Variants in NBAS observed in about 807,000 individuals in gnomAD.
The protein encoded by NBAS is NBAS subunit of NRZ tethering complex, also known as NAG/BC035112 fusion.
Under a neutral mutation model 302.5 loss-of-function variants are expected in NBAS, and 219 were observed. That is an observed-to-expected ratio of 0.72 (90% CI 0.65 to 0.81). The LOEUF is 0.81. NBAS is among the 30% of genes least tolerant of loss of function. NBAS has a pLI of 0.00. For missense variants in NBAS, 2,932 were observed against 2,841.6 expected (o/e 1.03, Z -0.72); for synonymous variants, 1,118 against 1,021.6 (o/e 1.09, Z -1.80).
intron 21 of NBAS, among the ~76,000 whole-genome samples, chr2:15,435,352 T>G (rs1677960161): frequency 6.6e-6 from 1 of 152,216 alleles, no homozygotes; most frequent in Non-Finnish European, 1.5e-5. Context: ...TAAACTGTGC[T>G]GAATGGACAT....
At chr2:15,515,584 T>A (rs1409867656) in intron 9 of NBAS, among the ~76,000 whole-genome samples, 1 of 152,172 alleles carries the variant, frequency 6.6e-6, no homozygotes, top group Non-Finnish European at 1.5e-5. Context: ...TACTTTATTA[T>A]TCAATAAGAC....
At chr2:15,147,088 T>G in the NBAS span, among the ~76,000 whole-genome samples, 743 of 152,202 alleles carry the variant, frequency 4.9e-3, 9 homozygotes, top group African/African-American at 0.016. Flanking sequence ...TAAAAAGCAG[T>G]TGCATGCTTA....
intron 48 of NBAS, among the ~76,000 whole-genome samples, chr2:15,207,239 T>A (rs759818248): frequency 2.0e-5 from 3 of 152,194 alleles, no homozygotes; most frequent in Non-Finnish European, 2.9e-5. Context: ...GACTGCCCTG[T>A]TGGGTTTCAA....
rs774943549 is a variant in NBAS at position 15,292,630 on chromosome 2, G to A, written c.4934C>T (p.Ala1645Val). 15 of 1,614,130 alleles carry A rather than the reference G, an allele frequency of 9.3e-6. 1 individual carries two copies. Among genetic ancestry groups the A allele is most frequent in the South Asian group, 6.6e-5 (6 of 91,078 alleles). Residue 1645 changes from alanine to valine, a missense_variant, in exon 41 of 52, where the codon GCG becomes GTG. Physicochemically the swap from Ala to Val is moderately conservative, Grantham distance 64. Coordinates refer to ENST00000281513, the MANE Select transcript of NBAS (RefSeq NM_015909.4). ...YNERLLDFTQ[A>V]QILQGLRKGV... ...CTTCCGAAGGCCCTGAAGGATCTGC[G>A]CCTGAGTGAAATCCAGGAGACGTTC...
chr2:14,960,551 C>T, the NBAS span, among the ~76,000 whole-genome samples: 2 of 152,040 alleles, frequency 1.3e-5, no homozygotes, highest in Non-Finnish European at 2.9e-5. Context: ...AATCTAATGC[C>T]CAGAGTGTGT....
the NBAS span, among the ~76,000 whole-genome samples, chr2:14,969,232 G>T: frequency 6.6e-6 from 1 of 152,092 alleles, no homozygotes; most frequent in African/African-American, 2.4e-5. Flanking sequence ...GTTAGGTATG[G>T]GGTTCCTTTT....
chr2:15,067,097 T>A, the NBAS span, among the ~76,000 whole-genome samples: 1 of 132,492 alleles, frequency 7.5e-6, no homozygotes, highest in African/African-American at 3.0e-5. Flanking sequence ...CCAAGGCGGG[T>A]GGATTACTTG....
chr2:14,970,752 TC>T, the NBAS span, among the ~76,000 whole-genome samples: 1 of 152,188 alleles, frequency 6.6e-6, no homozygotes, highest in East Asian at 1.9e-4. Context: ...AAAGGACAAG[TC>T]AACTGTACCT....
chr2:15,389,056 T>C (rs1675458230), intron 28 of NBAS, among the ~76,000 whole-genome samples: 1 of 152,196 alleles, frequency 6.6e-6, no homozygotes, highest in Non-Finnish European at 1.5e-5. Context: ...CATCCTACTT[T>C]AGCAACCAGA....
rs1254459656 is a variant in NBAS at position 15,556,156 on chromosome 2, G to A, written c.209+627C>T. 3.3e-5 allele frequency among the ~76,000 whole-genome samples: 5 copies of A among 152,218 alleles called. No individual in the cohort carries two copies. In the South Asian group the frequency reaches 8.3e-4, roughly 25 times the overall value. On this transcript the variant is annotated intron_variant, in intron 3 of 51. Coordinates refer to ENST00000281513, the MANE Select transcript of NBAS (RefSeq NM_015909.4). ...GACGTTGGAGCAAGTCCTAGAGAAC[G>A]CCAAAGGTCTCTTTTATGGAACTAT...
intron 38 of NBAS, among the ~76,000 whole-genome samples, chr2:15,322,468 A>T (rs1671856411): frequency 1.3e-5 from 2 of 152,196 alleles, no homozygotes; most frequent in South Asian, 4.1e-4. Context: ...TTCTGTGCAA[A>T]GTAAGTGCCT....
chr2:14,857,352 C>G, the NBAS span, among the ~76,000 whole-genome samples: 2 of 151,500 alleles, frequency 1.3e-5, no homozygotes, highest in African/African-American at 4.9e-5. Context: ...CCACAAAGAC[C>G]CAGAAGAGCC....
the NBAS span, among the ~76,000 whole-genome samples, chr2:14,882,677 C>T: frequency 6.6e-6 from 1 of 152,218 alleles, no homozygotes; most frequent in Admixed American, 6.5e-5. Context: ...CAAATGATTT[C>T]TCATCGAGCA....
the NBAS span, among the ~76,000 whole-genome samples, chr2:15,067,219 C>T: frequency 0.51 from 74,869 of 147,024 alleles, 21,430 homozygotes; most frequent in Middle Eastern, 0.62. Flanking sequence ...GTGGTGCACC[C>T]GTTTAGTCTC....
the NBAS span, among the ~76,000 whole-genome samples, chr2:15,018,530 C>T: frequency 6.6e-6 from 1 of 152,018 alleles, no homozygotes; most frequent in Admixed American, 6.6e-5. Flanking sequence ...ACCATTTATA[C>T]ACATAATAAT....
At chr2:15,390,532 G>A (rs1675539891) in intron 28 of NBAS, among the ~76,000 whole-genome samples, 1 of 152,152 alleles carries the variant, frequency 6.6e-6, no homozygotes, top group Admixed American at 6.5e-5. Flanking sequence ...TGTACACCAT[G>A]AGAACTATAC....
rs757963384 is a variant in NBAS, at chr2:15,558,648, CA to C, written c.118-15del. ...GTTGCCTCTAGGCTGGAATTTAAAA[CA>C]AAAAACACTTACATTTGAATCTTCT... On this transcript the variant is annotated splice_polypyrimidine_tract_variant and intron_variant, in intron 1 of 51. Coordinates refer to ENST00000281513, the MANE Select transcript of NBAS (RefSeq NM_015909.4). 9 of 1,603,624 alleles carry C rather than the reference CA, an allele frequency of 5.6e-6. No individual in the cohort carries two copies. In the South Asian group the frequency reaches 8.9e-5, roughly 16 times the overall value.
chr2:15,335,088 G>A (rs1351390605), intron 35 of NBAS, among the ~76,000 whole-genome samples: 2 of 150,220 alleles, frequency 1.3e-5, no homozygotes, highest in Admixed American at 6.7e-5. Flanking sequence ...TGTAATCCCC[G>A]CACTTCGGGA....
chr2:15,454,007 G>C (rs1679138065), intron 21 of NBAS, among the ~76,000 whole-genome samples: 1 of 152,122 alleles, frequency 6.6e-6, no homozygotes, highest in Non-Finnish European at 1.5e-5. Context: ...TCAATCTCTT[G>C]ACCTCATGAT....
Sources: allele counts gnomAD v4.1 joint callset (sites outside exome capture counted in the v4.1 genomes callset), GRCh38; gene constraint gnomAD v4.1.1; transcripts MANE v1.5; gene names NCBI Gene and HGNC (gene_info 2026-07-23, HGNC 2026-07-21).